The following LINGO2 variants were observed in gnomAD, a reference collection of about 807,000 sequenced individuals.
The protein encoded by LINGO2 is leucine rich repeat and Ig domain containing 2, also known as leucine-rich repeat and immunoglobulin-like domain-containing nogo receptor-interacting protein 2.
LINGO2 carries 14 observed loss-of-function variants against 30.6 expected under a neutral mutation model. The ratio of observed to expected loss-of-function variants is 0.46; its 90% CI spans 0.30 to 0.72. LINGO2 has a LOEUF of 0.72. Among genes scored for constraint, LINGO2 ranks in the 30% least tolerant of loss-of-function variants. LINGO2 has a pLI of 0.07. For synonymous variants in LINGO2, 317 were observed against 288.5 expected (o/e 1.10, Z -1.00); for missense variants, 729 against 751.7 (o/e 0.97, Z 0.35).
the LINGO2 span, among the ~76,000 whole-genome samples, chr9:29,052,688 T>C: frequency 1.3e-5 from 2 of 152,190 alleles, no homozygotes; most frequent in Admixed American, 6.5e-5. Context: ...GCACATCTCA[T>C]TGAACAAACT....
intron 1 of LINGO2, among the ~76,000 whole-genome samples, chr9:28,579,185 T>G (rs951139162): frequency 2.6e-5 from 4 of 152,036 alleles, no homozygotes; most frequent in Non-Finnish European, 5.9e-5. Flanking sequence ...AAGGTGAGAA[T>G]CCTGAGAATT....
At chr9:28,381,584 A>AATTGATGGTG (rs1821360788) in intron 2 of LINGO2, among the ~76,000 whole-genome samples, 1 of 151,764 alleles carries the variant, frequency 6.6e-6, no homozygotes, top group Non-Finnish European at 1.5e-5. Flanking sequence ...CTGAATCAGC[A>AATTGATGGTG]CCATCAATAA....
intron 4 of LINGO2, among the ~76,000 whole-genome samples, chr9:28,046,297 C>T (rs1263399496): frequency 6.6e-6 from 1 of 152,112 alleles, no homozygotes; most frequent in African/African-American, 2.4e-5. Context: ...AAGAATTTAT[C>T]TAGGTTAGAA....
At chr9:28,054,925 C>T (rs1824852330) in intron 4 of LINGO2, among the ~76,000 whole-genome samples, 1 of 152,042 alleles carries the variant, frequency 6.6e-6, no homozygotes, top group South Asian at 2.1e-4. Context: ...TTGTATGCCT[C>T]ATACTACAAA....
At chr9:28,848,391 G>GTATATATA in the LINGO2 span, among the ~76,000 whole-genome samples, 402 of 54,874 alleles carry the variant, frequency 7.3e-3, 1 homozygote, top group Non-Finnish European at 0.013. Context: ...GTGTGTGTGT[G>GTATATATA]TGTGTGTATA....
intron 3 of LINGO2, among the ~76,000 whole-genome samples, chr9:28,319,536 C>G (rs1824963573): frequency 6.6e-6 from 1 of 152,044 alleles, no homozygotes; most frequent in South Asian, 2.1e-4. Flanking sequence ...TTCTTCCTAC[C>G]ACAACCCCTC....
intron 1 of LINGO2, among the ~76,000 whole-genome samples, chr9:28,632,913 G>GAGAGA (rs1827069058): frequency 7.2e-6 from 1 of 138,722 alleles, no homozygotes; most frequent in African/African-American, 2.7e-5. Flanking sequence ...GAGAGAGAGA[G>GAGAGA]GAGTTGATTA....
chr9:28,375,581 C>T (rs1376489344), intron 2 of LINGO2, among the ~76,000 whole-genome samples: 2 of 152,132 alleles, frequency 1.3e-5, no homozygotes, highest in African/African-American at 4.8e-5. Flanking sequence ...CACTGCATGC[C>T]GCAGAAGGTG....
the LINGO2 span, among the ~76,000 whole-genome samples, chr9:28,760,869 T>C: frequency 3.3e-5 from 5 of 151,486 alleles, no homozygotes; most frequent in Non-Finnish European, 7.4e-5. Context: ...TTCCATCATA[T>C]ATATGTATAT....
At chr9:28,560,587 G>A (rs567607441) in intron 1 of LINGO2, among the ~76,000 whole-genome samples, 1 of 152,074 alleles carries the variant, frequency 6.6e-6, no homozygotes, top group South Asian at 2.1e-4. Flanking sequence ...AAGACTAGCA[G>A]GCATTATTTG....
At chr9:28,420,187 C>T (rs1245351499) in intron 2 of LINGO2, among the ~76,000 whole-genome samples, 2 of 151,986 alleles carry the variant, frequency 1.3e-5, no homozygotes, top group African/African-American at 4.8e-5. Flanking sequence ...CATGGCAAAA[C>T]GTAAAAATAA....
At chr9:28,150,442 G>A (rs1251378485) in intron 4 of LINGO2, among the ~76,000 whole-genome samples, 5 of 152,172 alleles carry the variant, frequency 3.3e-5, no homozygotes, top group Admixed American at 1.3e-4. Context: ...GAATTAGGCC[G>A]GCATGGCGGT....
intron 4 of LINGO2, among the ~76,000 whole-genome samples, chr9:28,104,383 T>C (rs1383553916): frequency 6.6e-6 from 1 of 150,686 alleles, no homozygotes; most frequent in Non-Finnish European, 1.5e-5. Flanking sequence ...AGAAGCAATG[T>C]GTCTGCATTT....
chr9:29,179,463 G>A, the LINGO2 span, among the ~76,000 whole-genome samples: 1 of 151,950 alleles, frequency 6.6e-6, no homozygotes, highest in Non-Finnish European at 1.5e-5. Flanking sequence ...GGAGTGCAGT[G>A]GTGCAATCTC....
At chr9:27,939,262 C>T in the LINGO2 span, 1 of 152,202 alleles carries the variant, frequency 6.6e-6, no homozygotes, top group African/African-American at 2.4e-5. Context: ...ATGAACTACT[C>T]TTCCTACACT....
chr9:28,681,850 A>G, the LINGO2 span, among the ~76,000 whole-genome samples: 1 of 152,196 alleles, frequency 6.6e-6, no homozygotes. Flanking sequence ...TACAGACTAG[A>G]GAGAAATAGG....
intron 1 of LINGO2, among the ~76,000 whole-genome samples, chr9:28,565,651 A>G (rs1310219820): frequency 6.6e-6 from 1 of 151,376 alleles, no homozygotes; most frequent in African/African-American, 2.4e-5. Context: ...TTCCGGGTTC[A>G]TGCCATTCTC....
the LINGO2 span, among the ~76,000 whole-genome samples, chr9:29,022,091 G>T: frequency 1.3e-5 from 2 of 152,150 alleles, no homozygotes; most frequent in South Asian, 4.2e-4. Context: ...TAATAATTCT[G>T]CTACTGAAGA....
chr9:28,848,201 G>GTA, the LINGO2 span, among the ~76,000 whole-genome samples: 272 of 85,936 alleles, frequency 3.2e-3, 6 homozygotes, highest in Non-Finnish European at 4.6e-3. Context: ...CACATATATA[G>GTA]TATATATATA....
Sources: gnomAD v4.1 joint callset for allele counts (sites outside exome capture counted in the v4.1 genomes callset) on GRCh38, gnomAD v4.1.1 for gene constraint, MANE v1.5 for transcripts, NCBI Gene and HGNC (gene_info 2026-07-23, HGNC 2026-07-21) for gene names.